Variants in EVC observed in about 807,000 individuals in gnomAD.
The protein encoded by EVC is evC complex member EVC.
In EVC, 116 loss-of-function variants were observed where a neutral mutation model predicts 118.9. The observed-to-expected ratio is 0.98, with a 90% CI of 0.84 to 1.14. EVC has a LOEUF of 1.14. Ranked by LOEUF, EVC falls within the 50% of genes most tolerant of loss-of-function variation. The pLI is 0.00. For missense variants in EVC, 1,401 were observed against 1,246.4 expected (o/e 1.12, Z -1.87); for synonymous variants, 619 against 534.7 (o/e 1.16, Z -2.18).
chr4:5,767,874 C>G lies in EVC; in HGVS notation c.1563+11512C>G, dbSNP rs797010462. Among the ~76,000 whole-genome samples the G allele has an allele frequency of 4.6e-5, 7 of 152,320 alleles. No homozygotes were observed. In the East Asian group the frequency reaches 7.7e-4, roughly 17 times the overall value. ...AATCACCCATCTTCTGCGTCGCTCA[C>G]GCTGGGAGCTGTAGACCGGAGCTGT... is the stretch of plus-strand genomic sequence containing the variant. On this transcript the variant is annotated intron_variant, in intron 11 of 20. Coordinates refer to ENST00000264956, the MANE Select transcript of EVC (RefSeq NM_153717.3).
chr4:5,728,731 T>A (rs964951126), intron 2 of EVC, among the ~76,000 whole-genome samples: 26 of 152,222 alleles, frequency 1.7e-4, no homozygotes, highest in Admixed American at 1.6e-3. Flanking sequence ...TCCCAACTCT[T>A]GTGTGTGAAT....
intron 15 of EVC, chr4:5,801,745 T>G (rs1375572911): frequency 3.5e-6 from 2 of 567,682 alleles, no homozygotes; most frequent in Non-Finnish European, 6.4e-6. Context: ...TTTCATTGGC[T>G]CTAGACATCC....
At chr4:5,727,815 T>C (rs1721566430) in intron 2 of EVC, among the ~76,000 whole-genome samples, 1 of 148,870 alleles carries the variant, frequency 6.7e-6, no homozygotes, top group Non-Finnish European at 1.5e-5. Flanking sequence ...CCCAGCACCA[T>C]TTATTAAATA....
At chr4:5,770,624 A>G (rs866741109) in intron 11 of EVC, among the ~76,000 whole-genome samples, 1 of 152,164 alleles carries the variant, frequency 6.6e-6, no homozygotes, top group Admixed American at 6.5e-5. Flanking sequence ...AGGCTTGCTC[A>G]TTTCTCCACC....
At chr4:5,741,533 T>C (rs1196065611) in intron 5 of EVC, among the ~76,000 whole-genome samples, 183 bp from the exon 6 acceptor site, 1 of 152,150 alleles carries the variant, frequency 6.6e-6, no homozygotes, top group Admixed American at 6.5e-5. Flanking sequence ...TATGGGCCAT[T>C]GTCATGATTT....
chr4:5,793,016 C>A (rs1332886380), intron 12 of EVC, among the ~76,000 whole-genome samples: 2 of 152,056 alleles, frequency 1.3e-5, no homozygotes, highest in Non-Finnish European at 2.9e-5. Context: ...TCCAAAGAGT[C>A]TTTTTTCCCC....
At chr4:5,724,669 G>T (rs1552061) in intron 2 of EVC, among the ~76,000 whole-genome samples, 19,532 of 151,796 alleles carry the variant, frequency 0.13, 1,720 homozygotes, top group East Asian at 0.31. Flanking sequence ...GAAGCTTGGG[G>T]AGGTAGCGTA....
chr4:5,784,715 C>G (rs1336429128), intron 12 of EVC, among the ~76,000 whole-genome samples: 1 of 146,874 alleles, frequency 6.8e-6, no homozygotes, highest in Non-Finnish European at 1.5e-5. Context: ...TCAAGCGATT[C>G]TCCTGCCTCA....
chr4:5,776,636 T>G (rs1173093018), intron 11 of EVC, among the ~76,000 whole-genome samples: 3 of 152,158 alleles, frequency 2.0e-5, no homozygotes, highest in African/African-American at 7.2e-5. Context: ...CAATTTAACA[T>G]GTTGGACCTT....
At chr4:5,741,114 G>A (rs929215769) in intron 5 of EVC, among the ~76,000 whole-genome samples, 2 of 152,212 alleles carry the variant, frequency 1.3e-5, no homozygotes, top group Non-Finnish European at 2.9e-5. Context: ...GAGAAATGAG[G>A]ACTTACGTTC....
At chr4:5,769,845 G>C (rs1475299217) in intron 11 of EVC, among the ~76,000 whole-genome samples, 2 of 152,154 alleles carry the variant, frequency 1.3e-5, no homozygotes, top group Non-Finnish European at 2.9e-5. Flanking sequence ...ACACAGGCAT[G>C]ATAACAGGTG....
chr4:5,825,873 C>G, the EVC span: 2 of 520,096 alleles, frequency 3.8e-6, no homozygotes, highest in Non-Finnish European at 6.9e-6. The surrounding 1 kb of genome is among the most constrained non-coding windows in gnomAD (Gnocchi z 4.4). Flanking sequence ...ACACACACAT[C>G]TACATACCCA....
intron 8 of EVC, 86 bp from the exon 9 acceptor site, chr4:5,752,750 T>G: frequency 4.5e-6 from 6 of 1,347,236 alleles, no homozygotes; most frequent in Non-Finnish European, 6.4e-6. Context: ...TTAATGACCC[T>G]GGTGGCTTCT....
chr4:5,824,115 G>A, the EVC span, among the ~76,000 whole-genome samples: 11 of 152,160 alleles, frequency 7.2e-5, no homozygotes, highest in African/African-American at 2.7e-4. Context: ...TAAGAACAAC[G>A]GGGAGGAGGA....
chr4:5,825,413 T>C, the EVC span: 5 of 1,492,886 alleles, frequency 3.3e-6, no homozygotes, highest in Non-Finnish European at 4.4e-6. The surrounding 1 kb of genome is among the most constrained non-coding windows in gnomAD (Gnocchi z 4.4). Context: ...AGGCCACGTG[T>C]CCATTTCCTC....
Position 5,711,249 on chromosome 4 carries a change from G to A in EVC, c.-132G>A. ...GGAGAGAAGCAGGAGTCGGGAGACTGCACAGGCCAGAAAGTCTGCGGAGCG... is the reference window on the plus strand; with the variant it reads ...GGAGAGAAGCAGGAGTCGGGAGACTACACAGGCCAGAAAGTCTGCGGAGCG... On this transcript the variant is annotated 5_prime_UTR_variant, in exon 1 of 21. Coordinates refer to ENST00000264956, the MANE Select transcript of EVC (RefSeq NM_153717.3). The A allele has an allele frequency of 1.9e-6, 1 of 516,058 alleles. No individual in the cohort carries two copies. Among genetic ancestry groups the A allele is most frequent in the Non-Finnish European group, 2.5e-6 (1 of 400,166 alleles). The allele number at this position is 516,058 out of a possible 1,614,324, so 32.0% of individuals were successfully genotyped here.
At chr4:5,744,688 G>A (rs1182904767) in intron 6 of EVC, among the ~76,000 whole-genome samples, 1 of 152,148 alleles carries the variant, frequency 6.6e-6, no homozygotes, top group Non-Finnish European at 1.5e-5. Context: ...ACAGAAACAG[G>A]GCCTTGGCTA....
chr4:5,752,759 C>G (rs769076929), intron 8 of EVC, 77 bp from the exon 9 acceptor site: 28 of 1,482,146 alleles, frequency 1.9e-5, no homozygotes, highest in Non-Finnish European at 2.5e-5. Flanking sequence ...CTGGTGGCTT[C>G]TTCTCAGCTG....
chr4:5,804,641 A>T, intron 16 of EVC, 89 bp from the exon 17 acceptor site: 1 of 1,091,370 alleles, frequency 9.2e-7, no homozygotes, highest in Non-Finnish European at 1.4e-6. Flanking sequence ...GGTGTGTCTC[A>T]CTCACCCTGC....
Sources: allele counts gnomAD v4.1 joint callset (sites outside exome capture counted in the v4.1 genomes callset), GRCh38; gene constraint gnomAD v4.1.1; non-coding constraint Gnocchi (gnomAD v3.1); transcripts MANE v1.5; gene names NCBI Gene and HGNC (gene_info 2026-07-23, HGNC 2026-07-21).